The following KCNH5 variants were observed in gnomAD, a reference collection of about 807,000 sequenced individuals.
KCNH5 encodes the protein potassium voltage-gated channel subfamily H member 5, also known as voltage-gated delayed rectifier potassium channel KCNH5.
KCNH5 carries 46 observed loss-of-function variants against 96.1 expected under a neutral mutation model. The observed-to-expected ratio is 0.48, with a 90% CI of 0.38 to 0.61. The LOEUF is 0.61. Among genes scored for constraint, KCNH5 ranks in the 20% least tolerant of loss-of-function variants. The probability of loss-of-function intolerance (pLI) is 0.00; values close to 1 mark genes in which losing one functional copy is unlikely to be tolerated. For synonymous variants in KCNH5, 439 were observed against 449.8 expected (o/e 0.98, Z 0.30); for missense variants, 907 against 1,225.8 (o/e 0.74, Z 3.88).
intron 8 of KCNH5, among the ~76,000 whole-genome samples, chr14:62,841,337 T>A (rs1452562181): frequency 6.6e-6 from 1 of 152,140 alleles, no homozygotes; most frequent in Non-Finnish European, 1.5e-5. Flanking sequence ...TAAAAATAAG[T>A]GTATCAATAG....
At chr14:62,855,271 G>A (rs541691792) in intron 7 of KCNH5, among the ~76,000 whole-genome samples, 9 of 152,178 alleles carry the variant, frequency 5.9e-5, no homozygotes, top group East Asian at 1.9e-4. Context: ...TAGGTGGTTC[G>A]ACCATTCCGT....
At chr14:62,872,836 G>A (rs960893583) in intron 7 of KCNH5, among the ~76,000 whole-genome samples, 4 of 152,046 alleles carry the variant, frequency 2.6e-5, no homozygotes, top group Non-Finnish European at 5.9e-5. Context: ...TGAGGACCTT[G>A]GAGTATGGTG....
Position 63,030,952 on chromosome 14 carries a change from G to A in KCNH5, c.74-13998C>T, listed in dbSNP as rs186670879. 2.6e-4 allele frequency among the ~76,000 whole-genome samples: 39 copies of A among 152,232 alleles called. No homozygotes were observed. In the East Asian group the frequency reaches 7.1e-3, roughly 28 times the overall value. On this transcript the variant is annotated intron_variant, in intron 1 of 10. Coordinates refer to ENST00000322893, the MANE Select transcript of KCNH5 (RefSeq NM_139318.5). ...GGCCAGCATCACCTGGGAGTTTATT[G>A]GCAATGCAGAACCTGGGACGCACCC...
intron 9 of KCNH5, among the ~76,000 whole-genome samples, chr14:62,795,684 G>C (rs1383280709): frequency 2.0e-5 from 3 of 152,072 alleles, no homozygotes; most frequent in Non-Finnish European, 4.4e-5. Context: ...CCTTTACTGA[G>C]AACCTATTGA....
At chr14:62,709,379 G>C (rs1030316426) in intron 10 of KCNH5, among the ~76,000 whole-genome samples, 2 of 152,028 alleles carry the variant, frequency 1.3e-5, no homozygotes, top group African/African-American at 2.4e-5. Flanking sequence ...TGATTTATGC[G>C]ACCCTAGAAG....
At position 63,022,037 on chromosome 14, in the gene KCNH5, G is replaced by A. The variant is rs200010587; in HGVS notation, c.74-5083C>T. On this transcript the variant is annotated intron_variant, in intron 1 of 10. Coordinates refer to ENST00000322893, the MANE Select transcript of KCNH5 (RefSeq NM_139318.5). ...TATATCTCCAAACCAAACCTCTTCT[G>A]TAAACTCTCGATCTTGATATCCAAA... 1.4e-4 allele frequency among the ~76,000 whole-genome samples: 22 copies of A among 152,200 alleles called. No individual in the cohort carries two copies. In the East Asian group the frequency reaches 4.2e-3, roughly 29 times the overall value.
chr14:62,777,985 C>T (rs1184814485), intron 10 of KCNH5, among the ~76,000 whole-genome samples: 1 of 152,148 alleles, frequency 6.6e-6, no homozygotes, highest in Non-Finnish European at 1.5e-5. Context: ...ATATTAATCC[C>T]TCTGGGCCTG....
chr14:62,930,245 C>T (rs1049113686), intron 7 of KCNH5, among the ~76,000 whole-genome samples: 1 of 152,036 alleles, frequency 6.6e-6, no homozygotes, highest in South Asian at 2.1e-4. Flanking sequence ...TTTACATTCC[C>T]ACCACAGTGT....
Position 62,705,572 on chromosome 14 carries a change from A to G in KCNH5, c.*1936T>C, listed in dbSNP as rs1884413891. 6.6e-6 allele frequency: 1 copy of G among 152,020 alleles called. No homozygotes were observed. The allele number at this position is 152,020 out of a possible 1,614,324, so 9.4% of individuals were successfully genotyped here. A position where few individuals can be genotyped will look rare whatever the true frequency, so the allele number is the denominator to read the frequency against. ...GAGACGTGTTCCCCTGAAAACTTCC[A>G]TTATGGTTAATGGAAGTTATACGCA... On this transcript the variant is annotated 3_prime_UTR_variant, in exon 11 of 11. Coordinates refer to ENST00000322893, the MANE Select transcript of KCNH5 (RefSeq NM_139318.5).
At chr14:62,827,774 G>A (rs1389029330) in intron 8 of KCNH5, among the ~76,000 whole-genome samples, 1 of 152,000 alleles carries the variant, frequency 6.6e-6, no homozygotes, top group Non-Finnish European at 1.5e-5. Flanking sequence ...TATACAATGG[G>A]CCAGATATGT....
intron 9 of KCNH5, among the ~76,000 whole-genome samples, chr14:62,799,811 TTAATATA>T (rs1886622237): frequency 7.3e-6 from 1 of 137,138 alleles, no homozygotes; most frequent in Admixed American, 7.9e-5. Context: ...TATTTAATAT[TTAATATA>T]TAATTAAATA....
intron 9 of KCNH5, among the ~76,000 whole-genome samples, chr14:62,794,687 A>C (rs2139992275): frequency 6.6e-6 from 1 of 152,186 alleles, no homozygotes; most frequent in East Asian, 1.9e-4. Flanking sequence ...ACACTTTAAA[A>C]GTTTGTTAAG....
chr14:62,711,833 G>C (rs1165911079), intron 10 of KCNH5, among the ~76,000 whole-genome samples: 2 of 152,166 alleles, frequency 1.3e-5, no homozygotes, highest in Non-Finnish European at 2.9e-5. Context: ...GGTGGGAAAG[G>C]TTATTGCACC....
At position 63,029,573 on chromosome 14, in the gene KCNH5, A is replaced by T. The variant is rs1425383570; in HGVS notation, c.74-12619T>A. Among the ~76,000 whole-genome samples the T allele has an allele frequency of 2.6e-5, 4 of 152,050 alleles. No individual in the cohort carries two copies. In the East Asian group the frequency reaches 5.8e-4, roughly 22 times the overall value. ...TGTAAGAGAAGAACCTAGAAAAAAT[A>T]AACTGTTAAATGTTGACCTGCAAAC... On this transcript the variant is annotated intron_variant, in intron 1 of 10. Transcript: ENST00000322893.
chr14:62,728,688 C>T (rs997168008), intron 10 of KCNH5, among the ~76,000 whole-genome samples: 2 of 152,104 alleles, frequency 1.3e-5, no homozygotes, highest in African/African-American at 4.8e-5. Context: ...GTTATTTAAC[C>T]TTTTTGTGCC....
chr14:62,960,141 T>C (rs1408415950), intron 6 of KCNH5, among the ~76,000 whole-genome samples: 1 of 152,200 alleles, frequency 6.6e-6, no homozygotes, highest in Non-Finnish European at 1.5e-5. Context: ...TGCTGTTCTT[T>C]GTAAATGGAA....
At chr14:62,978,977 T>C (rs1056454311) in intron 6 of KCNH5, among the ~76,000 whole-genome samples, 1 of 152,228 alleles carries the variant, frequency 6.6e-6, no homozygotes. Context: ...TTAACTATAG[T>C]CACCATATTG....
intron 10 of KCNH5, among the ~76,000 whole-genome samples, chr14:62,729,028 T>G (rs888999596): frequency 6.6e-6 from 1 of 152,216 alleles, no homozygotes; most frequent in Non-Finnish European, 1.5e-5. Context: ...TTTTAAAATT[T>G]CAATTTTTCC....
intron 7 of KCNH5, among the ~76,000 whole-genome samples, chr14:62,854,163 A>G (rs1174831853): frequency 1.3e-5 from 2 of 151,694 alleles, no homozygotes; most frequent in African/African-American, 4.8e-5. Flanking sequence ...TACATTACTT[A>G]TTTATTTATT....
Sources: gnomAD v4.1 joint callset for allele counts (sites outside exome capture counted in the v4.1 genomes callset) on GRCh38, gnomAD v4.1.1 for gene constraint, MANE v1.5 for transcripts, NCBI Gene and HGNC (gene_info 2026-07-23, HGNC 2026-07-21) for gene names.